Variants in PARD3B observed in about 807,000 individuals in gnomAD.
The protein encoded by PARD3B is partitioning defective 3 homolog B.
In PARD3B, 103 loss-of-function variants were observed where a neutral mutation model predicts 130.2. That is an observed-to-expected ratio of 0.79 (90% CI 0.67 to 0.93). The LOEUF (loss-of-function observed/expected upper bound fraction) is 0.93. Ranked by LOEUF, PARD3B falls within the 40% of genes least tolerant of loss-of-function variation. PARD3B has a pLI of 0.00. For missense variants in PARD3B, 1,609 were observed against 1,499.2 expected, an observed-to-expected ratio of 1.07 and a Z score of -1.21; for synonymous variants, 583 against 553.2, an observed-to-expected ratio of 1.05 and a Z score of -0.76.
At chr2:205,361,002 A>G (rs186193367) in intron 18 of PARD3B, among the ~76,000 whole-genome samples, 4 of 150,896 alleles carry the variant, frequency 2.7e-5, no homozygotes, top group Admixed American at 6.6e-5. Flanking sequence ...TCCCTTCTTC[A>G]CTGCCCCAAC....
intron 1 of PARD3B, among the ~76,000 whole-genome samples, chr2:204,588,455 C>T (rs1397419090): frequency 6.6e-6 from 1 of 152,110 alleles, no homozygotes; most frequent in Non-Finnish European, 1.5e-5. Flanking sequence ...GGATTTTTAC[C>T]TTGCTTCCTA....
chr2:205,398,766 G>A (rs1207136356), intron 18 of PARD3B, among the ~76,000 whole-genome samples: 2 of 152,168 alleles, frequency 1.3e-5, no homozygotes, highest in Non-Finnish European at 2.9e-5. Context: ...CTAGGAAGCT[G>A]CAAATAGATG....
intron 1 of PARD3B, among the ~76,000 whole-genome samples, chr2:204,558,729 G>C (rs181243044): frequency 1.3e-5 from 2 of 152,246 alleles, no homozygotes; most frequent in African/African-American, 4.8e-5. Context: ...AGCCCTTATT[G>C]CCAAGTCAAT....
intron 20 of PARD3B, among the ~76,000 whole-genome samples, chr2:205,493,368 G>A (rs759451): frequency 0.41 from 61,847 of 151,844 alleles, 13,036 homozygotes; most frequent in Admixed American, 0.5. Flanking sequence ...ATAGTATCTT[G>A]GCGTTCTTAA....
intron 3 of PARD3B, among the ~76,000 whole-genome samples, chr2:205,007,514 T>G (rs1053075857): frequency 2.6e-4 from 39 of 152,336 alleles, no homozygotes; most frequent in African/African-American, 9.1e-4. Context: ...TTCTGGATTC[T>G]CTATTCTGTT....
chr2:205,049,576 T>C (rs1699044692), intron 4 of PARD3B, among the ~76,000 whole-genome samples: 1 of 152,154 alleles, frequency 6.6e-6, no homozygotes, highest in Non-Finnish European at 1.5e-5. Context: ...TTCTATCACT[T>C]AGGCTCTGGG....
At position 205,057,562 on chromosome 2, in the gene PARD3B, CATATAT is replaced by C. The variant is rs1271920095; in HGVS notation, c.504+9873_504+9878del. The stretch of plus-strand genomic sequence containing the variant: ...ATGTATATGTGTATATGTATATATA[CATATAT>C]GTATATGTGTATGTGTATACGTATA... On this transcript the variant is annotated intron_variant, in intron 4 of 22. Transcript: ENST00000406610. Among the ~76,000 whole-genome samples the C allele has an allele frequency of 2.4e-3, 297 of 121,904 alleles. 4 individuals are homozygous for C. Among genetic ancestry groups the C allele is most frequent in the Admixed American group, 7.9e-3 (91 of 11,592 alleles). The allele number at this position is 121,904 out of a possible 152,430, so 80.0% of individuals were successfully genotyped here.
chr2:205,271,394 C>T (rs2040718736), intron 16 of PARD3B, among the ~76,000 whole-genome samples: 1 of 152,158 alleles, frequency 6.6e-6, no homozygotes, highest in East Asian at 1.9e-4. Context: ...GGATTTTATT[C>T]ACTGATAAAA....
chr2:205,130,326 G>T (rs2031883046), intron 10 of PARD3B, among the ~76,000 whole-genome samples: 1 of 152,152 alleles, frequency 6.6e-6, no homozygotes, highest in Admixed American at 6.5e-5. Context: ...GGTTTGCGTG[G>T]TCAGTTCTGT....
At chr2:204,880,052 C>T (rs988659207) in intron 2 of PARD3B, among the ~76,000 whole-genome samples, 1 of 152,038 alleles carries the variant, frequency 6.6e-6, no homozygotes, top group African/African-American at 2.4e-5. Flanking sequence ...CATAATGTAA[C>T]TGTTCTAAAG....
At chr2:205,234,945 T>TCAAA (rs1189559245) in intron 15 of PARD3B, among the ~76,000 whole-genome samples, 3 of 151,974 alleles carry the variant, frequency 2.0e-5, no homozygotes, top group Non-Finnish European at 2.9e-5. Context: ...AACACATGGA[T>TCAAA]CAAAGAAGGA....
At chr2:204,901,373 C>A (rs1372336638) in intron 2 of PARD3B, among the ~76,000 whole-genome samples, 1 of 152,056 alleles carries the variant, frequency 6.6e-6, no homozygotes, top group Non-Finnish European at 1.5e-5. Context: ...CTCCCTGAGG[C>A]CACCACTGCC....
intron 7 of PARD3B, among the ~76,000 whole-genome samples, chr2:205,119,558 G>C (rs188979420): frequency 6.6e-5 from 10 of 152,206 alleles, no homozygotes; most frequent in Non-Finnish European, 1.2e-4. Context: ...GAGGAGGGCA[G>C]ATCATGAGGT....
intron 2 of PARD3B, among the ~76,000 whole-genome samples, chr2:204,942,035 A>G (rs972800430): frequency 2.0e-5 from 3 of 152,182 alleles, no homozygotes; most frequent in Non-Finnish European, 4.4e-5. Flanking sequence ...CCTTTCAGGT[A>G]ATGTTCAATA....
At chr2:205,168,495 ATTGTCT>A (rs2034960750) in intron 11 of PARD3B, among the ~76,000 whole-genome samples, 1 of 152,116 alleles carries the variant, frequency 6.6e-6, no homozygotes, top group Admixed American at 6.5e-5. Context: ...TAAAAAGCTG[ATTGTCT>A]TTGTCCAAAT....
chr2:205,279,083 A>AAAAC lies in PARD3B; in HGVS notation c.2186-21444_2186-21443insCAAA, dbSNP rs1553657200. ...AAGAATCTGTCTCAAAAAAAAAAAA[A>AAAAC]AAAAAAAAAAAAACAGTTGTTCATT... On this transcript the variant is annotated intron_variant, in intron 16 of 22. Transcript: ENST00000406610. 3.4e-5 allele frequency among the ~76,000 whole-genome samples: 5 copies of AAAAC among 146,318 alleles called. 1 individual carries two copies. Among genetic ancestry groups the AAAAC allele is most frequent in the Non-Finnish European group, 6.1e-5 (4 of 65,300 alleles).
At chr2:205,003,050 C>G (rs1175896326) in intron 3 of PARD3B, among the ~76,000 whole-genome samples, 1 of 152,218 alleles carries the variant, frequency 6.6e-6, no homozygotes, top group African/African-American at 2.4e-5. Context: ...GCTAGAAGCT[C>G]TGGCAGAGAA....
At chr2:205,031,149 G>T (rs114337807) in intron 3 of PARD3B, among the ~76,000 whole-genome samples, 169 of 152,254 alleles carry the variant, frequency 1.1e-3, no homozygotes, top group Middle Eastern at 3.4e-3. Flanking sequence ...GTACGTGAAA[G>T]GAACAAATTA....
At chr2:204,613,075 T>C (rs1211037296) in intron 1 of PARD3B, among the ~76,000 whole-genome samples, 1 of 152,176 alleles carries the variant, frequency 6.6e-6, no homozygotes, top group African/African-American at 2.4e-5. Context: ...CCTGGTTTTA[T>C]AATGGTTTCA....
Sources: allele counts gnomAD v4.1 joint callset (sites outside exome capture counted in the v4.1 genomes callset), GRCh38; gene constraint gnomAD v4.1.1; transcripts MANE v1.5; gene names NCBI Gene and HGNC (gene_info 2026-07-23, HGNC 2026-07-21).